PMFBP1: variants seen among roughly 807,000 people sequenced by gnomAD.
The protein encoded by PMFBP1 is polyamine modulated factor 1 binding protein 1, also known as polyamine-modulated factor 1-binding protein 1.
In PMFBP1, 131 loss-of-function variants were observed where a neutral mutation model predicts 137.8. The ratio of observed to expected loss-of-function variants is 0.95; its 90% CI spans 0.82 to 1.10. The LOEUF (loss-of-function observed/expected upper bound fraction) is 1.10, where lower values mean the gene tolerates loss of function less well. PMFBP1 is among the 50% of genes least tolerant of loss of function. The pLI is 0.00. For synonymous variants in PMFBP1, 490 were observed against 450.4 expected (o/e 1.09, Z -1.11); for missense variants, 1,199 against 1,175.4 (o/e 1.02, Z -0.29).
At chr16:72,157,140 C>T (rs2042993266) in intron 3 of PMFBP1, among the ~76,000 whole-genome samples, 1 of 134,974 alleles carries the variant, frequency 7.4e-6, no homozygotes, top group Admixed American at 8.3e-5. Context: ...AGTGAGACCA[C>T]ACCACTGCAC....
At chr16:72,242,963 T>G in the PMFBP1 span, among the ~76,000 whole-genome samples, 1 of 152,192 alleles carries the variant, frequency 6.6e-6, no homozygotes, top group Non-Finnish European at 1.5e-5. Context: ...CAGGGTGAGA[T>G]GTGTTGTATC....
chr16:72,178,837 G>A (rs1466032473), upstream of PMFBP1, among the ~76,000 whole-genome samples: 3 of 152,130 alleles, frequency 2.0e-5, no homozygotes, highest in African/African-American at 7.2e-5. Context: ...CTGAGTCTCA[G>A]TTTCCCCATT....
chr16:72,154,638 G>C (rs1180281020), intron 3 of PMFBP1, among the ~76,000 whole-genome samples, 179 bp from the exon 4 acceptor site: 2 of 151,718 alleles, frequency 1.3e-5, no homozygotes, highest in Non-Finnish European at 2.9e-5. Context: ...GTATCACTTA[G>C]TATTCCCACT....
Position 72,123,583 on chromosome 16 carries a change from T to C in PMFBP1, c.2656A>G (p.Ile886Val). The C allele has an allele frequency of 6.2e-7, 1 of 1,614,186 alleles. No individual in the cohort carries two copies. Among genetic ancestry groups the C allele is most frequent in the Non-Finnish European group, 8.5e-7 (1 of 1,180,012 alleles). ...GCCCATTGCTCCAAGTTGGTCATAA[T>C]CTGATCATTCCCTCGGTAGAGCCTA... ...TCRLYRGNDQ[I>V]MTNLEQWAKQ... is the part of the protein sequence containing the mutation. Residue 886 changes from isoleucine to valine, a missense_variant, in exon 18 of 21, where the codon ATT (isoleucine) becomes GTT (valine). Transcript: ENST00000237353.
chr16:72,125,024 G>T, intron 16 of PMFBP1, 90 bp from the exon 17 acceptor site: 1 of 1,490,416 alleles, frequency 6.7e-7, no homozygotes, highest in Non-Finnish European at 9.1e-7. Context: ...CCTGGGCCTT[G>T]GGATACGTGT....
the PMFBP1 span, among the ~76,000 whole-genome samples, chr16:72,183,254 G>A: frequency 2.4e-3 from 362 of 152,328 alleles, 2 homozygotes; most frequent in Non-Finnish European, 3.7e-3. Flanking sequence ...TAAATAACAG[G>A]AAGTCTCATA....
chr16:72,130,796 G>T, intron 10 of PMFBP1, 74 bp from the exon 11 acceptor site: 1 of 1,403,664 alleles, frequency 7.1e-7, no homozygotes, highest in Non-Finnish European at 9.5e-7. Context: ...CCTGGCTGAA[G>T]AGTTTTTCCT....
At chr16:72,140,149 T>C (rs2042694379) in intron 6 of PMFBP1, among the ~76,000 whole-genome samples, 1 of 152,240 alleles carries the variant, frequency 6.6e-6, no homozygotes, top group Non-Finnish European at 1.5e-5. Context: ...ATTATTTCTC[T>C]TAATCTCTTT....
At chr16:72,216,863 C>T in the PMFBP1 span, among the ~76,000 whole-genome samples, 1 of 152,180 alleles carries the variant, frequency 6.6e-6, no homozygotes. Context: ...TTATTGCAGG[C>T]AGCTTGCTTC....
the PMFBP1 span, among the ~76,000 whole-genome samples, chr16:72,183,348 G>A: frequency 6.6e-6 from 1 of 152,164 alleles, no homozygotes; most frequent in South Asian, 2.1e-4. Context: ...CAAGATCAAG[G>A]TGTTGGTGGG....
chr16:72,234,009 T>G, the PMFBP1 span, among the ~76,000 whole-genome samples: 1 of 152,194 alleles, frequency 6.6e-6, no homozygotes, highest in Non-Finnish European at 1.5e-5. Flanking sequence ...TTTTCCACTT[T>G]TGGCTACTAT....
At chr16:72,153,919 TATAC>T (rs2042940312) in intron 4 of PMFBP1, among the ~76,000 whole-genome samples, 2 of 91,814 alleles carry the variant, frequency 2.2e-5, no homozygotes, top group Non-Finnish European at 3.9e-5. Context: ...AAGATGGACT[TATAC>T]ACACACACAC....
At chr16:72,150,271 T>C (rs2042881609) in intron 5 of PMFBP1, among the ~76,000 whole-genome samples, 1 of 151,884 alleles carries the variant, frequency 6.6e-6, no homozygotes, top group Non-Finnish European at 1.5e-5. Context: ...GGAAGCAGGG[T>C]TGGGCAGAGG....
chr16:72,165,501 G>A (rs2043132258), intron 2 of PMFBP1, among the ~76,000 whole-genome samples: 1 of 150,788 alleles, frequency 6.6e-6, no homozygotes, highest in South Asian at 2.1e-4. Context: ...TGCAAGCTCC[G>A]CCTCCCGGGT....
the PMFBP1 span, among the ~76,000 whole-genome samples, chr16:72,220,797 G>C: frequency 2.6e-5 from 4 of 152,278 alleles, no homozygotes; most frequent in Admixed American, 6.5e-5. Flanking sequence ...GGGACCCAGG[G>C]CTCTGAACAA....
upstream of PMFBP1, among the ~76,000 whole-genome samples, chr16:72,180,935 C>T (rs933414489): frequency 6.6e-6 from 1 of 152,132 alleles, no homozygotes; most frequent in African/African-American, 2.4e-5. Context: ...TTTGGGTGTG[C>T]CTTTTTTAAA....
the PMFBP1 span, among the ~76,000 whole-genome samples, chr16:72,213,395 C>T: frequency 6.6e-6 from 1 of 152,218 alleles, no homozygotes; most frequent in Non-Finnish European, 1.5e-5. Context: ...GGCTTCCATC[C>T]TGCTCTCTCA....
At chr16:72,247,769 T>C in the PMFBP1 span, among the ~76,000 whole-genome samples, 5 of 152,230 alleles carry the variant, frequency 3.3e-5, no homozygotes, top group African/African-American at 1.2e-4. Context: ...TCCCCAGCCA[T>C]TTCCCTTTTT....
At chr16:72,217,547 T>C in the PMFBP1 span, among the ~76,000 whole-genome samples, 1 of 152,150 alleles carries the variant, frequency 6.6e-6, no homozygotes, top group Non-Finnish European at 1.5e-5. Context: ...TTAACAACAC[T>C]TCATAACTTT....
Sources: gnomAD v4.1 joint callset for allele counts (sites outside exome capture counted in the v4.1 genomes callset) on GRCh38, gnomAD v4.1.1 for gene constraint, MANE v1.5 for transcripts, NCBI Gene and HGNC (gene_info 2026-07-23, HGNC 2026-07-21) for gene names.